The following TENM2 variants were observed in gnomAD, a reference collection of about 807,000 sequenced individuals.
TENM2 encodes teneurin-2.
In TENM2, 52 loss-of-function variants were observed where a neutral mutation model predicts 245.2. That is an observed-to-expected ratio of 0.21 (90% CI 0.17 to 0.27). The LOEUF (loss-of-function observed/expected upper bound fraction) is 0.27, where lower values mean the gene tolerates loss of function less well. TENM2 is among the 10% of genes least tolerant of loss of function. The pLI is 1.00. For synonymous variants in TENM2, 1,363 were observed against 1,438.9 expected (o/e 0.95, Z 1.19); for missense variants, 3,046 against 3,666.8 (o/e 0.83, Z 4.37).
At chr5:167,134,899 G>C in the TENM2 span, among the ~76,000 whole-genome samples, 2 of 152,154 alleles carry the variant, frequency 1.3e-5, no homozygotes, top group Non-Finnish European at 2.9e-5. Flanking sequence ...TGAATATAAA[G>C]TCACAGAGGA....
intron 27 of TENM2, among the ~76,000 whole-genome samples, chr5:168,256,556 G>A (rs1378808868): frequency 3.3e-5 from 5 of 151,922 alleles, no homozygotes; most frequent in African/African-American, 1.2e-4. Context: ...CTCCTGAGTA[G>A]CTGGGATTAC....
At chr5:168,022,663 C>T (rs80262838) in intron 5 of TENM2, among the ~76,000 whole-genome samples, 8,026 of 152,232 alleles carry the variant, frequency 0.053, 323 homozygotes, top group African/African-American at 0.11. Context: ...TTTTGGAAAC[C>T]GGTAGAAACA....
intron 2 of TENM2, among the ~76,000 whole-genome samples, chr5:167,678,909 T>G (rs1756517955): frequency 6.6e-6 from 1 of 152,160 alleles, no homozygotes; most frequent in South Asian, 2.1e-4. Flanking sequence ...ATGTTTCCCT[T>G]TAGGAAAACT....
intron 2 of TENM2, among the ~76,000 whole-genome samples, chr5:167,645,547 A>G (rs1779871667): frequency 1.3e-5 from 2 of 151,236 alleles, no homozygotes; most frequent in Non-Finnish European, 2.9e-5. Flanking sequence ...TGTCAGGGAC[A>G]TATAATTTAG....
chr5:167,356,217 A>AAAAAAAAAAAGAAAGAAAAATT (rs1759321624), intron 1 of TENM2, among the ~76,000 whole-genome samples: 1 of 129,104 alleles, frequency 7.7e-6, no homozygotes, highest in African/African-American at 3.2e-5. Flanking sequence ...AAAAAAAAAA[A>AAAAAAAAAAAGAAAGAAAAATT]AAAATTAAAA....
chr5:167,241,725 G>C, the TENM2 span, among the ~76,000 whole-genome samples: 1 of 152,140 alleles, frequency 6.6e-6, no homozygotes, highest in Admixed American at 6.5e-5. Context: ...GCCTGAGCTG[G>C]AGCAGTTTTA....
At chr5:167,353,157 G>A (rs1210023578) in intron 1 of TENM2, among the ~76,000 whole-genome samples, 2 of 152,150 alleles carry the variant, frequency 1.3e-5, no homozygotes, top group East Asian at 1.9e-4. Flanking sequence ...TGCTTTCTGA[G>A]CAGACTGGCT....
In TENM2 at chr5:167,877,964, T is replaced by C. The variant is rs996780448; in HGVS notation, c.712+1769T>C. ...AGGACAAGAGGCTTTTGAAATGAGG[T>C]GCACCTGCTGATAGCTTTTTAAAAA... On this transcript the variant is annotated intron_variant, in intron 3 of 28. Transcript: ENST00000518659. 5.9e-5 allele frequency among the ~76,000 whole-genome samples: 9 copies of C among 152,312 alleles called. No homozygotes were observed. The East Asian group carries it at 1.5e-3, about 26-fold the overall frequency.
In TENM2 at chr5:167,427,817, G is replaced by A. The variant is rs200947127; in HGVS notation, c.502+52344G>A. Among the ~76,000 whole-genome samples, 1,080 of 140,610 alleles carry A rather than the reference G, an allele frequency of 7.7e-3. 61 individuals carry two copies. The East Asian group carries it at 0.14, about 18-fold the overall frequency. The allele number at this position is 140,610 out of a possible 152,430, so 92.2% of individuals were successfully genotyped here. The stretch of plus-strand genomic sequence containing the variant: ...GGAAGGAAGGAAGGACGGAAAGGAA[G>A]GGAAGGAAGGGACGGGAGGGAAGGA... On this transcript the variant is annotated intron_variant, in intron 2 of 28. Coordinates refer to ENST00000518659, the Ensembl canonical transcript of TENM2.
chr5:168,168,445 C>G (rs2152463781), intron 13 of TENM2, among the ~76,000 whole-genome samples: 1 of 152,126 alleles, frequency 6.6e-6, no homozygotes, highest in East Asian at 1.9e-4. Context: ...TTTGGGAGAC[C>G]AAGGTGGGTG....
intron 25 of TENM2, among the ~76,000 whole-genome samples, chr5:168,233,604 G>A (rs773429848): frequency 2.6e-5 from 4 of 152,230 alleles, no homozygotes; most frequent in Non-Finnish European, 5.9e-5. Flanking sequence ...ACTTAGAAGA[G>A]TAGGCGCTGT....
intron 2 of TENM2, among the ~76,000 whole-genome samples, chr5:167,415,083 A>T (rs140118248): frequency 6.6e-6 from 1 of 152,138 alleles, no homozygotes; most frequent in African/African-American, 2.4e-5. Flanking sequence ...TTTTGCCAGG[A>T]CTCAGAGAAC....
At chr5:167,138,959 G>A in the TENM2 span, among the ~76,000 whole-genome samples, 1 of 152,184 alleles carries the variant, frequency 6.6e-6, no homozygotes, top group Non-Finnish European at 1.5e-5. Flanking sequence ...GGGAAAGACA[G>A]ATGAGATATT....
At chr5:168,238,240 A>AAAAGAAAAGAAAAGG (rs1765738960) in intron 25 of TENM2, among the ~76,000 whole-genome samples, 1 of 135,240 alleles carries the variant, frequency 7.4e-6, no homozygotes, top group South Asian at 2.5e-4. Flanking sequence ...AAAAGAAAAG[A>AAAAGAAAAGAAAAGG]AAAGAAAAGA....
chr5:167,447,098 A>G (rs1765272419), intron 2 of TENM2, among the ~76,000 whole-genome samples: 1 of 152,214 alleles, frequency 6.6e-6, no homozygotes, highest in South Asian at 2.1e-4. Flanking sequence ...AAACTGTATA[A>G]CAAATGACTG....
At chr5:167,284,870 G>C (rs1378108840) in exon 1 of TENM2, 1 of 1,551,572 alleles carries the variant, frequency 6.4e-7, no homozygotes, top group Non-Finnish European at 8.7e-7. Context: ...ACCGCTCTTT[G>C]ACCAGAGGAC....
chr5:168,034,089 ATG>A (rs1289242589), intron 5 of TENM2, among the ~76,000 whole-genome samples: 1 of 141,028 alleles, frequency 7.1e-6, no homozygotes, highest in African/African-American at 2.8e-5. Context: ...ATACATATAT[ATG>A]TGTATATATA....
chr5:167,993,008 C>A, exon 5 of TENM2: 1 of 1,613,954 alleles, frequency 6.2e-7, no homozygotes, highest in Non-Finnish European at 8.5e-7. Context: ...CCCGGGATAC[C>A]CTTTGACCTC....
At chr5:166,981,151 G>A in the TENM2 span, among the ~76,000 whole-genome samples, 3 of 152,162 alleles carry the variant, frequency 2.0e-5, no homozygotes, top group Admixed American at 6.5e-5. Flanking sequence ...CCCCTGTGTT[G>A]ACAAAAGCCT....
Sources: gnomAD v4.1 joint callset for allele counts (sites outside exome capture counted in the v4.1 genomes callset) on GRCh38, gnomAD v4.1.1 for gene constraint, MANE v1.5 for transcripts, NCBI Gene and HGNC (gene_info 2026-07-23, HGNC 2026-07-21) for gene names.